CCDC157: variants seen among roughly 807,000 people sequenced by gnomAD.
CCDC157 encodes coiled-coil domain-containing protein 157.
CCDC157 carries 60 observed loss-of-function variants against 70.9 expected under a neutral mutation model. That is an observed-to-expected ratio of 0.85 (90% confidence interval 0.69 to 1.05). The LOEUF (loss-of-function observed/expected upper bound fraction) is 1.05. Among genes scored for constraint, CCDC157 ranks in the 50% least tolerant of loss-of-function variants. CCDC157 has a pLI of 0.00. For synonymous variants in CCDC157, 373 were observed against 422.4 expected, an observed-to-expected ratio of 0.88 and a Z score of 1.43; for missense variants, 943 against 984.2, an observed-to-expected ratio of 0.96 and a Z score of 0.56.
At chr22:30,356,875 C>G, upstream of CCDC157, 3 of 1,157,714 alleles carry the variant, frequency 2.6e-6, no homozygotes, top group Non-Finnish European at 3.3e-6. Flanking sequence ...TCGGTCAGTA[C>G]GACGAGCTCG....
At position 30,373,699 on chromosome 22, in the gene CCDC157, G is replaced by GC; in HGVS notation, c.1441dup (p.Arg481ProfsTer178). 6.4e-7 allele frequency: 1 copy of GC among 1,553,256 alleles called. No homozygotes were observed. Among genetic ancestry groups the GC allele is most frequent in the Non-Finnish European group, 8.7e-7 (1 of 1,148,730 alleles). On this transcript the variant is annotated frameshift_variant, in exon 8 of 12. Transcript: ENST00000338306. LOFTEE classifies it high-confidence loss of function. Reference sequence around the variant, plus strand: ...CCTGGACGAGGCTGAGGCCCAGCGGGCCCGCGTGGAGGAGCAGCTGCAGAG... The same window carrying GC: ...CCTGGACGAGGCTGAGGCCCAGCGGGCCCCGCGTGGAGGAGCAGCTGCAGAG...
intron 7 of CCDC157, 77 bp from the exon 8 acceptor site, chr22:30,373,520 G>A (rs1163595811): frequency 6.0e-6 from 9 of 1,488,784 alleles, no homozygotes; most frequent in Admixed American, 4.0e-5. Flanking sequence ...AGTAGATGCT[G>A]TAGCCTCCTT....
intron 5 of CCDC157, chr22:30,371,165 TG>T: frequency 1.6e-6 from 1 of 628,686 alleles, no homozygotes; most frequent in East Asian, 2.8e-5. Context: ...CACCAGGAGC[TG>T]GGCTAGGACG....
Position 30,373,587 on chromosome 22 carries a change from TC to T in CCDC157, c.1336-8del, listed in dbSNP as rs1933104592. ...TCTCACAGCCTCCCTGCTTGTCCGT[TC>T]CTGCTTAGTCTCTGCAGGCCAAGCA... On this transcript the variant is annotated splice_polypyrimidine_tract_variant and intron_variant, in intron 7 of 11. Coordinates refer to ENST00000338306, the MANE Select transcript of CCDC157 (RefSeq NM_001017437.5). The T allele has an allele frequency of 1.3e-6, 2 of 1,552,752 alleles. No individual in the cohort carries two copies. Among genetic ancestry groups the T allele is most frequent in the Non-Finnish European group, 1.7e-6 (2 of 1,147,670 alleles).
chr22:30,356,907 A>C (rs1931908949), upstream of CCDC157: 1 of 936,256 alleles, frequency 1.1e-6, no homozygotes, highest in South Asian at 4.1e-5. Context: ...CGGCCGAGCG[A>C]GTTGCGGCCG....
At chr22:30,371,216 G>GT in intron 5 of CCDC157, 2 of 555,740 alleles carry the variant, frequency 3.6e-6, no homozygotes, top group Non-Finnish European at 6.4e-6. Context: ...GGGAACCGAG[G>GT]TATGTATCCA....
At chr22:30,358,609 C>G (rs148505733) in intron 1 of CCDC157, among the ~76,000 whole-genome samples, 1 of 152,150 alleles carries the variant, frequency 6.6e-6, no homozygotes, top group Non-Finnish European at 1.5e-5. Flanking sequence ...TCATCTTTAC[C>G]GAGTAGGGTT....
At position 30,372,547 on chromosome 22, in the gene CCDC157, A is replaced by G. The variant is rs940473906; in HGVS notation, c.1335+261A>G. 8 of 415,848 alleles carry G rather than the reference A, an allele frequency of 1.9e-5. No individual in the cohort carries two copies. In the South Asian group the frequency reaches 2.1e-4, roughly 11 times the overall value. The allele number at this position is 415,848 out of a possible 1,614,324, so 25.8% of individuals were successfully genotyped here. A position where few individuals can be genotyped will look rare whatever the true frequency, so the allele number is the denominator to read the frequency against. ...AGGCAAAGATGAGCAGGTGTGCCACACTCTCCTGCCAGATGGCTAAGGGGT... is the reference window on the plus strand; with the variant it reads ...AGGCAAAGATGAGCAGGTGTGCCACGCTCTCCTGCCAGATGGCTAAGGGGT... On this transcript the variant is annotated intron_variant, in intron 7 of 11. Coordinates refer to ENST00000338306, the MANE Select transcript of CCDC157 (RefSeq NM_001017437.5).
rs1442333691 is a variant in CCDC157 at position 30,370,742 on chromosome 22, G to GA, written c.838dup (p.Arg280LysfsTer9). 2 of 1,613,486 alleles carry GA rather than the reference G, an allele frequency of 1.2e-6. No individual in the cohort carries two copies. The highest frequency in any genetic ancestry group is 3.3e-5 in the Admixed American group (2 of 59,978). ...CCGTGGGCCGCTGGGCAGCAGAGCA[G>GA]AGGAAAGACCTGACGCGCCTCAGTA... On this transcript the variant is annotated frameshift_variant, in exon 5 of 12. Coordinates refer to ENST00000338306, the MANE Select transcript of CCDC157 (RefSeq NM_001017437.5). LOFTEE classifies it high-confidence loss of function.
chr22:30,370,811 G>A lies in CCDC157; in HGVS notation c.906G>A (p.Gly302=). Residue 302 remains glycine (G), a synonymous_variant, in exon 5 of 12, where the codon GGG becomes GGA. Coordinates refer to ENST00000338306, the MANE Select transcript of CCDC157 (RefSeq NM_001017437.5). ...ALRAQLEEAE[G]QKDGLRKQAG... Reference sequence around the variant, plus strand: ...GGGCCCAGCTGGAGGAGGCTGAAGGGCAGAAGGATGGCCTGAGGAAGCAGG... The same window carrying A: ...GGGCCCAGCTGGAGGAGGCTGAAGGACAGAAGGATGGCCTGAGGAAGCAGG... 1 of 1,613,214 alleles carries A rather than the reference G, an allele frequency of 6.2e-7. No homozygotes were observed.
Position 30,376,670 on chromosome 22 carries a change from C to T in CCDC157, c.2184C>T (p.Val728=). The change falls in exon 12 of 12, where the codon GTC becomes GTT. Residue 728 remains valine, a synonymous_variant. Transcript: ENST00000338306. ...CCCAGAACCCCATCAAGGTCTTGGT[C>T]AGGCTGAGAAAGAGACTGTCACCTG... ...TCTQNPIKVL[V]RLRKRLSPGR... is the part of the protein sequence containing the mutation. The T allele has an allele frequency of 6.2e-7, 1 of 1,613,758 alleles. No individual in the cohort carries two copies. The highest frequency in any genetic ancestry group is 8.5e-7 in the Non-Finnish European group (1 of 1,180,010).
chr22:30,358,081 C>G (rs910243431), intron 1 of CCDC157, among the ~76,000 whole-genome samples: 1 of 152,218 alleles, frequency 6.6e-6, no homozygotes, highest in Non-Finnish European at 1.5e-5. Flanking sequence ...CGATTCCCCC[C>G]TCTCTCCTTC....
chr22:30,377,942 G>A lies in CCDC157; in HGVS notation c.*1197G>A, dbSNP rs1237432774. 13 of 352,830 alleles carry A rather than the reference G, an allele frequency of 3.7e-5. No homozygotes were observed. The Admixed American group carries it at 4.4e-4, about 12-fold the overall frequency. 21.9% of individuals were successfully genotyped at this position (352,830 alleles called of 1,614,324 possible). ...TTTTTGCTCCGGGTCCCAGAGGGCT[G>A]AAATTGAGGCATCTACCAGGTTGCG... is the stretch of plus-strand genomic sequence containing the variant. On this transcript the variant is annotated 3_prime_UTR_variant, in exon 12 of 12. Transcript: ENST00000338306.
In CCDC157 at chr22:30,370,718, C is replaced by T. The variant is rs758030115; in HGVS notation, c.813C>T (p.Thr271=). 4.2e-5 allele frequency: 67 copies of T among 1,613,322 alleles called. No individual in the cohort carries two copies. Among genetic ancestry groups the T allele is most frequent in the Non-Finnish European group, 4.5e-5 (53 of 1,179,848 alleles). Residue 271 remains threonine, a synonymous_variant, in exon 5 of 12, where the codon ACC becomes ACT. Transcript: ENST00000338306. ...SMGLRPLPAA[T]VGRWAAEQRK... ...GGCTCAGGCCACTGCCGGCTGCCAC[C>T]GTGGGCCGCTGGGCAGCAGAGCAGA...
In CCDC157 at chr22:30,372,195, G is replaced by T. The variant is rs752958427; in HGVS notation, c.1244G>T (p.Arg415Leu). 6.3e-7 allele frequency: 1 copy of T among 1,591,808 alleles called. No homozygotes were observed. The highest frequency in any genetic ancestry group is 2.3e-5 in the East Asian group (1 of 44,090). Residue 415 changes from arginine (R) to leucine (L), a missense_variant, in exon 7 of 12, where the codon CGG becomes CTG. Arg to Leu is a moderately radical substitution (Grantham distance 102). Coordinates refer to ENST00000338306, the MANE Select transcript of CCDC157 (RefSeq NM_001017437.5). ...GCGCAGGTGCAGCTGTTGGTGGGTC[G>T]GCTGGAGGGCGCTGGCCAGCAGGTC... ...LEAQVQLLVG[R>L]LEGAGQQVCW...
intron 1 of CCDC157, among the ~76,000 whole-genome samples, chr22:30,358,138 TC>T (rs1199575845): frequency 6.6e-6 from 1 of 152,202 alleles, no homozygotes; most frequent in Non-Finnish European, 1.5e-5. Context: ...CCGAACCTGT[TC>T]CTGGACTTCA....
At position 30,369,510 on chromosome 22, in the gene CCDC157, T is replaced by C; in HGVS notation, c.327T>C (p.Ala109=). ...AGCAGATGATGCCCCCTGCACAGGC[T>C]GCGGGGCCCTGCATGTCCGTGGGGC... The part of the protein sequence containing the change: ...GSEQMMPPAQ[A]AGPCMSVGLT... The change falls in exon 4 of 12, where the codon GCT becomes GCC. Residue 109 remains alanine (A), a synonymous_variant. Transcript: ENST00000338306. 1 of 1,607,824 alleles carries C rather than the reference T, an allele frequency of 6.2e-7. No individual in the cohort carries two copies. The highest frequency in any genetic ancestry group is 8.5e-7 in the Non-Finnish European group (1 of 1,176,640).
chr22:30,372,409 T>C, intron 7 of CCDC157, 123 bp downstream of exon 7: 1 of 1,317,490 alleles, frequency 7.6e-7, no homozygotes. Context: ...TGCCTCCAGG[T>C]GTGGGGGTTG....
chr22:30,376,740 A>AT lies in CCDC157; in HGVS notation c.2255dup (p.Met752IlefsTer21). ...TGCACACCAGCCCCAGGAGCGGCCC[A>AT]TGTAGCCTGTGGCCCAGGGCTGAGG... On this transcript the variant is annotated frameshift_variant, in exon 12 of 12. Transcript: ENST00000338306. LOFTEE classifies it high-confidence loss of function. 1.2e-6 allele frequency: 2 copies of AT among 1,610,680 alleles called. No homozygotes were observed. The highest frequency in any genetic ancestry group is 1.7e-6 in the Non-Finnish European group (2 of 1,178,242).
Sources: gnomAD v4.1 joint callset for allele counts (sites outside exome capture counted in the v4.1 genomes callset) on GRCh38, gnomAD v4.1.1 for gene constraint, MANE v1.5 for transcripts, NCBI Gene and HGNC (gene_info 2026-07-23, HGNC 2026-07-21) for gene names.